Variants in TRIO observed in about 807,000 individuals in gnomAD.
TRIO encodes trio Rho guanine nucleotide exchange factor, also known as triple functional domain protein.
A neutral mutation model predicts 351.9 loss-of-function variants in TRIO; 58 were observed. The ratio of observed to expected loss-of-function variants is 0.16; its 90% CI spans 0.13 to 0.21. The LOEUF (loss-of-function observed/expected upper bound fraction) is 0.21, where lower values mean the gene tolerates loss of function less well. Among genes scored for constraint, TRIO ranks in the 10% least tolerant of loss-of-function variants. The pLI, the probability that TRIO is intolerant of heterozygous loss-of-function variation, is 1.00. For missense variants in TRIO, 3,201 were observed against 4,027.8 expected (o/e 0.79, Z 5.56); for synonymous variants, 1,758 against 1,595.7 (o/e 1.10, Z -2.42).
chr5:14,317,911 G>T (rs1041079220), intron 9 of TRIO, among the ~76,000 whole-genome samples: 2 of 152,234 alleles, frequency 1.3e-5, no homozygotes, highest in East Asian at 3.9e-4. Flanking sequence ...TGGATCACCT[G>T]AGGTCAGGAA....
At chr5:14,479,807 T>G in intron 42 of TRIO, 112 bp from the exon 43 acceptor site, 1 of 946,540 alleles carries the variant, frequency 1.1e-6, no homozygotes, top group Non-Finnish European at 1.6e-6. Context: ...AGTGCTTTTT[T>G]TCCTCGTTAC....
intron 9 of TRIO, 80 bp from the exon 10 acceptor site, chr5:14,330,698 G>C: frequency 3.4e-6 from 5 of 1,469,130 alleles, no homozygotes; most frequent in Non-Finnish European, 3.6e-6. Flanking sequence ...ACAACAGAAG[G>C]GGTCTTCATT....
chr5:14,427,195 C>A (rs1203665449), intron 34 of TRIO, among the ~76,000 whole-genome samples: 3 of 152,140 alleles, frequency 2.0e-5, no homozygotes, highest in Non-Finnish European at 2.9e-5. Context: ...CTCACCCCAC[C>A]CCTTTCTGCA....
At chr5:14,403,790 T>C (rs1468656291) in intron 31 of TRIO, among the ~76,000 whole-genome samples, 3 of 40,306 alleles carry the variant, frequency 7.4e-5, no homozygotes, top group African/African-American at 1.2e-4. Flanking sequence ...GGTGAGGGTG[T>C]AGGTTGTGGT....
intron 1 of TRIO, chr5:14,183,930 A>T (rs1480113588): frequency 1.4e-6 from 1 of 697,220 alleles, no homozygotes; most frequent in African/African-American, 1.7e-5. Flanking sequence ...AAAAAAGATT[A>T]ATAAATTACC....
At chr5:14,406,788 C>G (rs780352871) in intron 33 of TRIO, 116 bp downstream of exon 33, 3 of 1,029,190 alleles carry the variant, frequency 2.9e-6, no homozygotes, top group East Asian at 2.7e-5. Flanking sequence ...GCAGTTGATA[C>G]GTGCCAGGAG....
At chr5:14,166,182 A>G (rs899991918) in intron 1 of TRIO, among the ~76,000 whole-genome samples, 3 of 152,126 alleles carry the variant, frequency 2.0e-5, no homozygotes, top group Non-Finnish European at 4.4e-5. Flanking sequence ...GCACCTCACT[A>G]CAGACTTCAC....
At position 14,461,325 on chromosome 5, in the gene TRIO, C is replaced by T. The variant is rs7725055; in HGVS notation, c.5496+14C>T. 1.6e-5 allele frequency: 24 copies of T among 1,539,288 alleles called. No homozygotes were observed. Among genetic ancestry groups the T allele is most frequent in the South Asian group, 2.5e-5 (2 of 79,926 alleles). On this transcript the variant is annotated intron_variant, in intron 35 of 56. Coordinates refer to ENST00000344204, the MANE Select transcript of TRIO (RefSeq NM_007118.4). ...ACGGTCGAGGAGGTGAGGCTCTGCC[C>T]GCTGGTTGGGGCCGGCGTGGCGGGG... is the stretch of plus-strand genomic sequence containing the variant.
intron 11 of TRIO, among the ~76,000 whole-genome samples, chr5:14,356,420 CAT>C (rs373474288): frequency 1.1e-4 from 17 of 152,268 alleles, no homozygotes; most frequent in African/African-American, 4.1e-4. Flanking sequence ...AAATTGAAAC[CAT>C]AGTGAGATAT....
chr5:14,218,615 T>C (rs62346563), intron 1 of TRIO, among the ~76,000 whole-genome samples: 1,889 of 152,310 alleles, frequency 0.012, 19 homozygotes, highest in Non-Finnish European at 0.022. Flanking sequence ...TGGGCGAGGC[T>C]GCGCAGTGGG....
Position 14,508,566 on chromosome 5 carries a change from C to A in TRIO, c.*144C>A. Reference sequence around the variant, plus strand: ...TGCATTCCAAGTGAGCTGTGCTCAGCAGTGCTTGGACACAGAGCTGCAAGC... The same window carrying A: ...TGCATTCCAAGTGAGCTGTGCTCAGAAGTGCTTGGACACAGAGCTGCAAGC... On this transcript the variant is annotated 3_prime_UTR_variant, in exon 57 of 57. Transcript: ENST00000344204. 1 of 1,083,204 alleles carries A rather than the reference C, an allele frequency of 9.2e-7. No individual in the cohort carries two copies. The highest frequency in any genetic ancestry group is 1.3e-6 in the Non-Finnish European group (1 of 764,028). 67.1% of individuals were successfully genotyped at this position (1,083,204 alleles called of 1,614,324 possible).
chr5:14,327,574 C>T (rs376357427), intron 9 of TRIO, among the ~76,000 whole-genome samples: 2 of 152,154 alleles, frequency 1.3e-5, no homozygotes, highest in East Asian at 3.8e-4. Flanking sequence ...TTTCAAGTCT[C>T]TATGGACTTT....
intron 41 of TRIO, 42 bp from the exon 42 acceptor site, chr5:14,479,219 T>G (rs1755333989): frequency 6.5e-7 from 1 of 1,533,950 alleles, no homozygotes; most frequent in South Asian, 1.1e-5. Flanking sequence ...TAATCGAATT[T>G]CCCATTGTTA....
intron 17 of TRIO, 106 bp downstream of exon 17, chr5:14,369,005 TC>T: frequency 7.3e-7 from 1 of 1,376,118 alleles, no homozygotes. Flanking sequence ...ATTGAAACAA[TC>T]AGTTGCCAGT....
rs963138352 is a variant in TRIO at position 14,390,308 on chromosome 5, A to G, written c.4128+8A>G. The G allele has an allele frequency of 6.8e-6, 11 of 1,613,512 alleles. No individual in the cohort carries two copies. In the East Asian group the frequency reaches 2.2e-4, roughly 33 times the overall value. ...CATTGTTTTGTTACTTGGGTAATGA[A>G]ACCTCAACCATTTGTTCTCTCCCAG... On this transcript the variant is annotated splice_region_variant and intron_variant, in intron 26 of 56. Coordinates refer to ENST00000344204, the MANE Select transcript of TRIO (RefSeq NM_007118.4).
At chr5:14,347,038 A>T (rs1412640516) in intron 11 of TRIO, among the ~76,000 whole-genome samples, 3 of 151,162 alleles carry the variant, frequency 2.0e-5, no homozygotes, top group African/African-American at 7.4e-5. Context: ...TCTCAGGTGG[A>T]CCTGAGGTCC....
In TRIO at chr5:14,487,690, C is replaced by T. The variant is rs1225639208; in HGVS notation, c.7062C>T (p.Ser2354=). 1 of 1,435,998 alleles carries T rather than the reference C, an allele frequency of 7.0e-7. No homozygotes were observed. The highest frequency in any genetic ancestry group is 3.1e-5 in the East Asian group (1 of 32,126). The allele number at this position is 1,435,998 out of a possible 1,614,324, so 89.0% of individuals were successfully genotyped here. The change falls in exon 48 of 57, where the codon TCC becomes TCT. Residue 2354 remains serine, a synonymous_variant. Coordinates refer to ENST00000344204, the MANE Select transcript of TRIO (RefSeq NM_007118.4). ...GACACCACCCCCCCGTGCTGGTCTC[C>T]TCTGCAGCCTCGAGCCAGGCAGAGG... is the stretch of plus-strand genomic sequence containing the variant. The part of the protein sequence containing the change: ...PVRHHPPVLV[S]SAASSQAEAD...
At chr5:14,277,552 T>A (rs1356132810) in intron 2 of TRIO, among the ~76,000 whole-genome samples, 1 of 152,228 alleles carries the variant, frequency 6.6e-6, no homozygotes, top group African/African-American at 2.4e-5. Flanking sequence ...CCTCACCATG[T>A]GGCTTACGGT....
chr5:14,488,463 A>C lies in TRIO; in HGVS notation c.7632+203A>C, dbSNP rs563954935. 110 of 700,646 alleles carry C rather than the reference A, an allele frequency of 1.6e-4. 2 individuals carry two copies. The South Asian group carries it at 2.2e-3, about 14-fold the overall frequency. 43.4% of individuals were successfully genotyped at this position (700,646 alleles called of 1,614,324 possible). A position where few individuals can be genotyped will look rare whatever the true frequency, so the allele number is the denominator to read the frequency against. Reference sequence around the variant, plus strand: ...CTCCTTGCTTTGTTCGTGTCTTCTAATAAGAGCAAGCCGATCATTAACCTT... The same window carrying C: ...CTCCTTGCTTTGTTCGTGTCTTCTACTAAGAGCAAGCCGATCATTAACCTT... On this transcript the variant is annotated intron_variant, in intron 48 of 56. Transcript: ENST00000344204.
Sources: gnomAD v4.1 joint callset for allele counts (sites outside exome capture counted in the v4.1 genomes callset) on GRCh38, gnomAD v4.1.1 for gene constraint, MANE v1.5 for transcripts, NCBI Gene and HGNC (gene_info 2026-07-23, HGNC 2026-07-21) for gene names.